Variants in CDC42SE2 observed in about 807,000 individuals in gnomAD.
CDC42SE2 encodes the protein CDC42 small effector protein 2.
CDC42SE2 carries 3 observed loss-of-function variants against 11.5 expected under a neutral mutation model. That is an observed-to-expected ratio of 0.26 (90% CI 0.12 to 0.67). The LOEUF (loss-of-function observed/expected upper bound fraction) is 0.67, where lower values mean the gene tolerates loss of function less well. CDC42SE2 is among the 30% of genes least tolerant of loss of function. CDC42SE2 has a pLI of 0.80. For missense variants in CDC42SE2, 82 were observed against 106.8 expected, an observed-to-expected ratio of 0.77 and a Z score of 1.02; for synonymous variants, 33 against 34.8, an observed-to-expected ratio of 0.95 and a Z score of 0.18.
intron 1 of CDC42SE2, among the ~76,000 whole-genome samples, chr5:131,282,358 A>ACT: frequency 6.6e-6 from 1 of 152,340 alleles, no homozygotes; most frequent in Admixed American, 6.5e-5. Context: ...GTAATAAACA[A>ACT]TAGCAAGTTT....
At chr5:131,216,520 A>AAAAAAAAC in the CDC42SE2 span, among the ~76,000 whole-genome samples, 3 of 148,498 alleles carry the variant, frequency 2.0e-5, no homozygotes, top group African/African-American at 7.4e-5. Flanking sequence ...AAAAAAAAAA[A>AAAAAAAAC]AACATTATAG....
chr5:131,320,412 T>TAA (rs577089833), intron 2 of CDC42SE2, among the ~76,000 whole-genome samples: 2 of 128,680 alleles, frequency 1.6e-5, no homozygotes, highest in Admixed American at 7.9e-5. Flanking sequence ...TAAATAAGAT[T>TAA]AAAAAAAAAA....
chr5:131,360,214 G>A (rs1749669325), intron 3 of CDC42SE2, among the ~76,000 whole-genome samples: 2 of 152,130 alleles, frequency 1.3e-5, no homozygotes, highest in African/African-American at 4.8e-5. Flanking sequence ...TCCGCCTCCT[G>A]GGTTCAAGTG....
the CDC42SE2 span, among the ~76,000 whole-genome samples, chr5:131,231,140 T>C: frequency 6.6e-6 from 1 of 152,244 alleles, no homozygotes; most frequent in African/African-American, 2.4e-5. Context: ...TACCAGTTTG[T>C]GTCTTCTCCC....
chr5:131,211,024 G>C, the CDC42SE2 span, among the ~76,000 whole-genome samples: 4 of 152,100 alleles, frequency 2.6e-5, no homozygotes, highest in African/African-American at 9.7e-5. Context: ...TTTTAGTAGA[G>C]ATGAGGTTTT....
At chr5:131,341,381 T>C (rs912886016) in intron 2 of CDC42SE2, among the ~76,000 whole-genome samples, 13 of 152,238 alleles carry the variant, frequency 8.5e-5, no homozygotes, top group African/African-American at 3.1e-4. Flanking sequence ...GATACTGAAA[T>C]AGTGTCTTTA....
chr5:131,382,643 T>C (rs1266880513), intron 3 of CDC42SE2, among the ~76,000 whole-genome samples: 1 of 152,208 alleles, frequency 6.6e-6, no homozygotes, highest in Non-Finnish European at 1.5e-5. Context: ...TGGCTCTCTC[T>C]GCATATCAGA....
chr5:131,362,533 A>G (rs185930023), intron 3 of CDC42SE2, among the ~76,000 whole-genome samples: 1 of 152,308 alleles, frequency 6.6e-6, no homozygotes, highest in East Asian at 1.9e-4. Context: ...ATTTACTGAA[A>G]TAAAGTGCTG....
At chr5:131,283,228 A>C (rs550021416) in intron 1 of CDC42SE2, among the ~76,000 whole-genome samples, 2 of 152,108 alleles carry the variant, frequency 1.3e-5, no homozygotes, top group Non-Finnish European at 2.9e-5. Flanking sequence ...CGCCTGGCCA[A>C]AATCACCTTT....
chr5:131,230,647 GTAGTTGTCAGCC>G, the CDC42SE2 span, among the ~76,000 whole-genome samples: 1 of 152,198 alleles, frequency 6.6e-6, no homozygotes, highest in African/African-American at 2.4e-5. Flanking sequence ...CATGGGAAAT[GTAGTTGTCAGCC>G]TTCCAGCCCT....
Position 131,316,867 on chromosome 5 carries a change from A to G in CDC42SE2, c.-286+723A>G, listed in dbSNP as rs998347140. Among the ~76,000 whole-genome samples the G allele has an allele frequency of 1.4e-4, 21 of 152,156 alleles. 1 individual carries two copies. Among genetic ancestry groups the G allele is most frequent in the Non-Finnish European group, 5.9e-5 (4 of 68,030 alleles). On this transcript the variant is annotated intron_variant, in intron 2 of 4. Transcript: ENST00000505065. ...GTTATTTGCTATAGAAATTATCTAG[A>G]TTTATTTGGTTTCTTCCTTTTTTGA... is the stretch of plus-strand genomic sequence containing the variant.
chr5:131,332,773 A>G (rs1282569839), intron 2 of CDC42SE2, among the ~76,000 whole-genome samples: 16 of 152,062 alleles, frequency 1.1e-4, no homozygotes, highest in South Asian at 2.1e-4. Context: ...CTTCTTTTGA[A>G]AAGTGTCTGT....
chr5:131,267,097 C>CA (rs1468158403), intron 1 of CDC42SE2, among the ~76,000 whole-genome samples: 1 of 147,118 alleles, frequency 6.8e-6, no homozygotes, highest in Non-Finnish European at 1.5e-5. Flanking sequence ...GCTCTGTTGC[C>CA]AGGCTGGAGT....
intron 3 of CDC42SE2, among the ~76,000 whole-genome samples, chr5:131,373,975 A>G (rs1432511181): frequency 6.6e-6 from 1 of 152,186 alleles, no homozygotes; most frequent in African/African-American, 2.4e-5. Context: ...TAGATGATCA[A>G]CCCAGGAAGT....
chr5:131,301,593 A>G (rs1757683953), intron 1 of CDC42SE2, among the ~76,000 whole-genome samples: 1 of 151,992 alleles, frequency 6.6e-6, no homozygotes, highest in Admixed American at 6.6e-5. Flanking sequence ...CCCTGTCTCT[A>G]CTAAAAATAT....
intron 1 of CDC42SE2, among the ~76,000 whole-genome samples, chr5:131,292,210 G>GC (rs1428101916): frequency 1.6e-5 from 2 of 125,796 alleles, no homozygotes; most frequent in East Asian, 2.3e-4. Flanking sequence ...CTGCACTCCA[G>GC]CCTGGTGACA....
the CDC42SE2 span, among the ~76,000 whole-genome samples, chr5:131,231,855 G>A: frequency 5.3e-3 from 801 of 151,270 alleles, 8 homozygotes; most frequent in African/African-American, 0.019. Flanking sequence ...GTGGTGGCAC[G>A]ATCTCCACTC....
upstream of CDC42SE2, among the ~76,000 whole-genome samples, chr5:131,263,469 A>T (rs1447694998): frequency 6.6e-6 from 1 of 152,226 alleles, no homozygotes; most frequent in African/African-American, 2.4e-5. Context: ...AGTCTAGTAC[A>T]TGTGTAATTT....
At position 131,392,531 on chromosome 5, in the gene CDC42SE2, T is replaced by C. The variant is rs1750692443; in HGVS notation, c.*1440T>C. 6.6e-6 allele frequency: 1 copy of C among 152,340 alleles called. No homozygotes were observed. The highest frequency in any genetic ancestry group is 2.4e-5 in the African/African-American group (1 of 41,454). The allele number at this position is 152,340 out of a possible 1,614,324, so 9.4% of individuals were successfully genotyped here. A position where few individuals can be genotyped will look rare whatever the true frequency, so the allele number is the denominator to read the frequency against. The stretch of plus-strand genomic sequence containing the variant: ...ATGACCTTTTGGTCTGTTTGATTGA[T>C]TGATTAGAATTGCAATAAAAGAAAA... On this transcript the variant is annotated 3_prime_UTR_variant, in exon 5 of 5. Transcript: ENST00000505065.
Sources: allele counts gnomAD v4.1 joint callset (sites outside exome capture counted in the v4.1 genomes callset), GRCh38; gene constraint gnomAD v4.1.1; transcripts MANE v1.5; gene names NCBI Gene and HGNC (gene_info 2026-07-23, HGNC 2026-07-21).